SLC6A17: variants seen among roughly 807,000 people sequenced by gnomAD.
SLC6A17 encodes sodium-dependent neutral amino acid transporter SLC6A17.
SLC6A17 carries 21 observed loss-of-function variants against 64.5 expected under a neutral mutation model. That is an observed-to-expected ratio of 0.33 (90% confidence interval 0.23 to 0.47). SLC6A17 has a LOEUF of 0.47. Ranked by LOEUF, SLC6A17 falls within the 20% of genes least tolerant of loss-of-function variation. SLC6A17 has a pLI of 1.00. For synonymous variants in SLC6A17, 372 were observed against 399.5 expected (o/e 0.93, Z 0.82); for missense variants, 682 against 963.2 (o/e 0.71, Z 3.86).
rs1315292329 is a variant in SLC6A17 at position 110,174,779 on chromosome 1, T to C, written c.572T>C (p.Val191Ala). Residue 191 changes from valine to alanine, a missense_variant and splice_region_variant, in exon 5 of 12, where the codon GTG becomes GCG. Around this residue, in one of 3 missense-constraint regions of SLC6A17, gnomAD observed 415 missense variants for 603.8 expected, o/e 0.69. Coordinates refer to ENST00000331565, the MANE Select transcript of SLC6A17 (RefSeq NM_001010898.4). ...CPVVRNGSVA[V>A]VEAECEKSSA... ...CCTGTGACCTTTGCTGCTATTTCAG[T>C]GGTGGAGGCAGAGTGTGAAAAGAGC... 9.9e-6 allele frequency: 16 copies of C among 1,613,484 alleles called. No individual in the cohort carries two copies. The highest frequency in any genetic ancestry group is 1.3e-5 in the African/African-American group (1 of 74,932).
chr1:110,180,763 T>C (rs1656500760), intron 6 of SLC6A17, among the ~76,000 whole-genome samples: 1 of 152,130 alleles, frequency 6.6e-6, no homozygotes, highest in African/African-American at 2.4e-5. Context: ...TGTGCACTGC[T>C]CCATTCATAT....
chr1:110,166,017 G>A (rs1045863828), intron 1 of SLC6A17, among the ~76,000 whole-genome samples: 3 of 152,244 alleles, frequency 2.0e-5, no homozygotes, highest in Non-Finnish European at 4.4e-5. Context: ...CAGGAGTAGG[G>A]GAGGGTTTTG....
At chr1:110,197,299 A>T in intron 10 of SLC6A17, 138 bp from the exon 11 acceptor site, 1 of 1,157,402 alleles carries the variant, frequency 8.6e-7, no homozygotes, top group Non-Finnish European at 1.2e-6. Context: ...ACACACAATG[A>T]GCACTGAATG....
Position 110,172,178 on chromosome 1 carries a change from A to T in SLC6A17, c.405A>T (p.Ile135=). Residue 135 remains isoleucine (I), a synonymous_variant, in exon 3 of 12, where the codon ATA becomes ATT. Transcript: ENST00000331565. The stretch of plus-strand genomic sequence containing the variant: ...GCAGCATCGGTGTGTGGCACTATAT[A>T]TGTCCCCGCCTGGGGGGCATCGGCT... ...RRGSIGVWHY[I]CPRLGGIGFS... 6.2e-7 allele frequency: 1 copy of T among 1,608,352 alleles called. No individual in the cohort carries two copies. The highest frequency in any genetic ancestry group is 8.5e-7 in the Non-Finnish European group (1 of 1,177,516).
intron 6 of SLC6A17, among the ~76,000 whole-genome samples, chr1:110,184,425 T>C (rs1478552924): frequency 6.6e-6 from 1 of 152,218 alleles, no homozygotes; most frequent in Non-Finnish European, 1.5e-5. Flanking sequence ...TGTTTTACAA[T>C]GGATAGTGCT....
At position 110,198,431 on chromosome 1, in the gene SLC6A17, A is replaced by T; in HGVS notation, c.2171A>T (p.Glu724Val). The change falls in exon 12 of 12, where the codon GAG becomes GTG. Residue 724 changes from glutamate (E) to valine (V), a missense_variant. This residue lies in a region of SLC6A17 where 264 missense variants were observed against 339.5 expected (regional missense o/e 0.78). Coordinates refer to ENST00000331565, the MANE Select transcript of SLC6A17 (RefSeq NM_001010898.4). ...GSGYLLASTP[E>V]SEL ...GGCTACCTGCTGGCCAGCACCCCTG[A>T]GTCGGAGCTGTGACCACTGCCCAAG... 6.2e-7 allele frequency: 1 copy of T among 1,608,948 alleles called. No individual in the cohort carries two copies. Among genetic ancestry groups the T allele is most frequent in the South Asian group, 1.1e-5 (1 of 90,508 alleles).
intron 8 of SLC6A17, among the ~76,000 whole-genome samples, chr1:110,193,190 C>G (rs1656876671): frequency 6.6e-6 from 1 of 152,178 alleles, no homozygotes; most frequent in Admixed American, 6.5e-5. Context: ...GGTCTCATAA[C>G]TAGTAAGTCA....
chr1:110,153,194 C>T (rs988399178), intron 1 of SLC6A17, among the ~76,000 whole-genome samples: 5 of 152,116 alleles, frequency 3.3e-5, no homozygotes, highest in Admixed American at 6.5e-5. Flanking sequence ...AGCTGCAGCA[C>T]GTGCTGGGTG....
intron 11 of SLC6A17, 108 bp from the exon 12 acceptor site, chr1:110,197,968 G>A: frequency 6.7e-7 from 1 of 1,493,714 alleles, no homozygotes; most frequent in Non-Finnish European, 8.9e-7. Flanking sequence ...GGTGGGAGGG[G>A]AGAGGAGTGG....
At chr1:110,194,082 C>T (rs185496342) in intron 8 of SLC6A17, among the ~76,000 whole-genome samples, 43 of 152,252 alleles carry the variant, frequency 2.8e-4, no homozygotes, top group African/African-American at 1.0e-3. Flanking sequence ...CCAGCTTCAC[C>T]CCAGACCAAT....
chr1:110,199,924 TGGGTTGG>T lies in SLC6A17; in HGVS notation c.*1484_*1490del, dbSNP rs1394489234. ...ATAGATGGATGGATGGATGGATGGA[TGGGTTGG>T]GGGGTGGGGGTGGATGGATAGATGG... is the stretch of plus-strand genomic sequence containing the variant. On this transcript the variant is annotated 3_prime_UTR_variant, in exon 12 of 12. Coordinates refer to ENST00000331565, the MANE Select transcript of SLC6A17 (RefSeq NM_001010898.4). 8.4e-6 allele frequency: 1 copy of T among 118,688 alleles called. No individual in the cohort carries two copies. The highest frequency in any genetic ancestry group is 1.8e-4 in the Admixed American group (1 of 5,648). The allele number at this position is 118,688 out of a possible 1,614,324, so 7.4% of individuals were successfully genotyped here.
At position 110,173,895 on chromosome 1, in the gene SLC6A17, G is replaced by GA; in HGVS notation, c.445-78_445-77insA. 6 of 1,525,546 alleles carry GA rather than the reference G, an allele frequency of 3.9e-6. No homozygotes were observed. The Admixed American group carries it at 8.0e-5, about 20-fold the overall frequency. The allele number at this position is 1,525,546 out of a possible 1,614,324, so 94.5% of individuals were successfully genotyped here. A position where few individuals can be genotyped will look rare whatever the true frequency, so the allele number is the denominator to read the frequency against. ...GCTGTGTTTATGGCGCTGCCGACGTGCTGGGCCTCGGGTGGAGCGTGGGGG... is the reference window on the plus strand; with the variant it reads ...GCTGTGTTTATGGCGCTGCCGACGTGACTGGGCCTCGGGTGGAGCGTGGGGG... On this transcript the variant is annotated intron_variant, in intron 3 of 11. Coordinates refer to ENST00000331565, the MANE Select transcript of SLC6A17 (RefSeq NM_001010898.4).
At chr1:110,157,309 T>C (rs1164342291) in intron 1 of SLC6A17, among the ~76,000 whole-genome samples, 1 of 152,194 alleles carries the variant, frequency 6.6e-6, no homozygotes, top group African/African-American at 2.4e-5. Flanking sequence ...GTGTGGTGGC[T>C]GACACCTGTA....
chr1:110,197,137 T>C (rs978486845), intron 10 of SLC6A17, among the ~76,000 whole-genome samples: 16 of 152,158 alleles, frequency 1.1e-4, no homozygotes, highest in African/African-American at 3.1e-4. Context: ...GGCCCCTCCC[T>C]GAACACACAA....
At chr1:110,176,828 A>G in intron 6 of SLC6A17, 89 bp downstream of exon 6, 1 of 1,126,008 alleles carries the variant, frequency 8.9e-7, no homozygotes, top group Non-Finnish European at 1.3e-6. Flanking sequence ...AATTTAATGC[A>G]CTCCGAACAC....
chr1:110,153,554 T>TGTG (rs1553203115), intron 1 of SLC6A17, among the ~76,000 whole-genome samples: 1 of 151,346 alleles, frequency 6.6e-6, no homozygotes, highest in African/African-American at 2.4e-5. Context: ...TGTGTGTGCA[T>TGTG]TGCATTCACC....
intron 6 of SLC6A17, among the ~76,000 whole-genome samples, chr1:110,187,150 A>G (rs1367303353): frequency 6.6e-6 from 1 of 152,192 alleles, no homozygotes; most frequent in Non-Finnish European, 1.5e-5. Context: ...ACAAAAAACC[A>G]CTTCAGCTAG....
At chr1:110,163,645 C>T in intron 1 of SLC6A17, among the ~76,000 whole-genome samples, 1 of 152,110 alleles carries the variant, frequency 6.6e-6, no homozygotes, top group East Asian at 1.9e-4. Flanking sequence ...GTGGCCAAGG[C>T]CCCAGGGCTG....
chr1:110,178,586 T>G (rs1049589471), intron 6 of SLC6A17: 7 of 153,052 alleles, frequency 4.6e-5, no homozygotes, highest in African/African-American at 1.7e-4. Context: ...AAAAATTCCT[T>G]AGACTGGATA....
Sources: allele counts gnomAD v4.1 joint callset (sites outside exome capture counted in the v4.1 genomes callset), GRCh38; gene constraint gnomAD v4.1.1; regional missense constraint gnomAD v4.1.1; transcripts MANE v1.5; gene names NCBI Gene and HGNC (gene_info 2026-07-23, HGNC 2026-07-21).